Variants in ADAMTS7 observed in about 807,000 individuals in gnomAD.
ADAMTS7 encodes ADAM metallopeptidase with thrombospondin type 1 motif 7, also known as A disintegrin and metalloproteinase with thrombospondin motifs 7.
Under a neutral mutation model 172.6 loss-of-function variants are expected in ADAMTS7, and 89 were observed. That is an observed-to-expected ratio of 0.52 (90% confidence interval 0.43 to 0.61). The LOEUF is 0.61. ADAMTS7 is among the 20% of genes least tolerant of loss of function. ADAMTS7 has a pLI of 0.00. For synonymous variants in ADAMTS7, 885 were observed against 978.4 expected (o/e 0.90, Z 1.78); for missense variants, 1,973 against 2,355.6 (o/e 0.84, Z 3.36).
chr15:78,782,895 G>C (rs1596189668), intron 8 of ADAMTS7, among the ~76,000 whole-genome samples: 1 of 152,038 alleles, frequency 6.6e-6, no homozygotes, highest in South Asian at 2.1e-4. Context: ...GAGGGCCGGG[G>C]ATCACTCCCT....
rs1209186878 is a variant in ADAMTS7 at position 78,763,990 on chromosome 15, G to A, written c.4529C>T (p.Pro1510Leu). 21 of 1,544,724 alleles carry A rather than the reference G, an allele frequency of 1.4e-5. No individual in the cohort carries two copies. Among genetic ancestry groups the A allele is most frequent in the Non-Finnish European group, 1.6e-5 (18 of 1,144,364 alleles). Residue 1510 changes from proline (P) to leucine (L), a missense_variant, in exon 21 of 24, where the codon CCG becomes CTG. By Grantham distance (98) the Pro-to-Leu change is moderately conservative. Transcript: ENST00000388820. The part of the protein sequence containing the change: ...PFHCQPGPAK[P>L]PAHRPCGAQP... ...GGCCCCGCAGGGCCGGTGCGCAGGCGGCTTGGCAGGCCCGGGCTGACAATG... is the reference window on the plus strand; with the variant it reads ...GGCCCCGCAGGGCCGGTGCGCAGGCAGCTTGGCAGGCCCGGGCTGACAATG...
Position 78,798,061 on chromosome 15 carries a change from C to T in ADAMTS7, c.509G>A (p.Ser170Asn). ...NEDYFIEPLD[S>N]APARPGHAQP... ...GGCGTGGCCAGGCCGGGCCGGGGCA[C>T]TGTCCAGGGGCTCAATGAAGTAGTC... Residue 170 changes from serine to asparagine, a missense_variant, in exon 3 of 24, where the codon AGT becomes AAT. Physicochemically the swap from Ser to Asn is conservative, Grantham distance 46. This residue lies in a region of ADAMTS7 where 306 missense variants were observed against 288.0 expected (regional missense o/e 1.06). Transcript: ENST00000388820. 1 of 1,570,990 alleles carries T rather than the reference C, an allele frequency of 6.4e-7. No individual in the cohort carries two copies. Among genetic ancestry groups the T allele is most frequent in the South Asian group, 1.2e-5 (1 of 84,752 alleles).
chr15:78,764,032 C>A lies in ADAMTS7; in HGVS notation c.4487G>T (p.Arg1496Leu). Residue 1496 changes from arginine (R) to leucine (L), a missense_variant, in exon 21 of 24, where the codon CGG becomes CTG. Arg to Leu is a moderately radical substitution (Grantham distance 102). This residue lies in a region of ADAMTS7 where 218 missense variants were observed against 216.9 expected (regional missense o/e 1.01). Transcript: ENST00000388820. The part of the protein sequence containing the change: ...DVQCVDTRDL[R>L]PLRPFHCQPG... The stretch of plus-strand genomic sequence containing the variant: ...CTGACAATGGAAGGGCCGCAGTGGC[C>A]GGAGGTCCCGTGTGTCCACACACTG... The A allele has an allele frequency of 6.5e-7, 1 of 1,540,472 alleles. No individual in the cohort carries two copies. Among genetic ancestry groups the A allele is most frequent in the Non-Finnish European group, 8.8e-7 (1 of 1,142,104 alleles).
intron 9 of ADAMTS7, chr15:78,777,088 C>G (rs1224948745): frequency 1.2e-5 from 7 of 568,332 alleles, no homozygotes; most frequent in African/African-American, 7.5e-5. Context: ...CCGGCCCAGC[C>G]CCTCCTCTGG....
chr15:78,773,165 C>T lies in ADAMTS7; in HGVS notation c.2049G>A (p.Met683Ile). The change falls in exon 14 of 24, where the codon ATG becomes ATA. Residue 683 changes from methionine (M) to isoleucine (I), a missense_variant. Coordinates refer to ENST00000388820, the MANE Select transcript of ADAMTS7 (RefSeq NM_014272.5). ...CGTGGCACACACCACAGCGGTCCTC[C>T]ATAGCACCGGAGTCAATCTCGAAGT... ...GCDFEIDSGAMEDRCGVCHGN... is the reference protein window; with the variant it reads ...GCDFEIDSGAIEDRCGVCHGN... 1.3e-6 allele frequency: 2 copies of T among 1,498,106 alleles called. No individual in the cohort carries two copies. The highest frequency in any genetic ancestry group is 9.2e-7 in the Non-Finnish European group (1 of 1,092,622). The allele number at this position is 1,498,106 out of a possible 1,614,324, so 92.8% of individuals were successfully genotyped here. A position where few individuals can be genotyped will look rare whatever the true frequency, so the allele number is the denominator to read the frequency against.
intron 1 of ADAMTS7, among the ~76,000 whole-genome samples, chr15:78,804,872 C>T (rs993334155): frequency 2.0e-5 from 3 of 152,194 alleles, no homozygotes; most frequent in Admixed American, 6.6e-5. Context: ...CTCACTAAAT[C>T]AGCATTTCCA....
intron 1 of ADAMTS7, among the ~76,000 whole-genome samples, chr15:78,803,148 G>C (rs553798641): frequency 5.9e-5 from 9 of 151,682 alleles, no homozygotes; most frequent in African/African-American, 2.2e-4. Context: ...GATCACTTGA[G>C]CCTAGGAGTT....
At chr15:78,781,657 C>T (rs2055430822) in intron 8 of ADAMTS7, among the ~76,000 whole-genome samples, 1 of 152,300 alleles carries the variant, frequency 6.6e-6, no homozygotes, top group Non-Finnish European at 1.5e-5. Flanking sequence ...GGCTGTTGGG[C>T]AGCACCCTGG....
Position 78,776,771 on chromosome 15 carries a change from C to A in ADAMTS7, c.1538G>T (p.Gly513Val). 1.3e-6 allele frequency: 2 copies of A among 1,551,428 alleles called. No homozygotes were observed. The highest frequency in any genetic ancestry group is 1.7e-6 in the Non-Finnish European group (2 of 1,146,464). Reference protein sequence around the residue: ...CHSKLDAAVDGTRCGENKWCL... With the variant: ...CHSKLDAAVDVTRCGENKWCL... Reference sequence around the variant, plus strand: ...TACCTTATTCTCCCCACACCGGGTGCCGTCCACAGCTGCATCCAGCTTGGA... The same window carrying A: ...TACCTTATTCTCCCCACACCGGGTGACGTCCACAGCTGCATCCAGCTTGGA... Residue 513 changes from glycine (G) to valine (V), a missense_variant, in exon 10 of 24, where the codon GGC (glycine) becomes GTC (valine). Physicochemically the swap from Gly to Val is moderately radical, Grantham distance 109. Transcript: ENST00000388820.
intron 4 of ADAMTS7, among the ~76,000 whole-genome samples, chr15:78,793,216 C>A (rs796491837): frequency 7.9e-5 from 12 of 152,274 alleles, no homozygotes; most frequent in African/African-American, 2.9e-4. Context: ...GGCTCAGAAC[C>A]CAGGTTTCGC....
At chr15:78,772,897 C>T (rs2055274480) in intron 14 of ADAMTS7, among the ~76,000 whole-genome samples, 186 bp downstream of exon 14, 1 of 152,244 alleles carries the variant, frequency 6.6e-6, no homozygotes, top group Non-Finnish European at 1.5e-5. Flanking sequence ...CCCATGGGGA[C>T]AGGTCTCTGC....
intron 1 of ADAMTS7, among the ~76,000 whole-genome samples, chr15:78,802,763 G>A (rs1567243042): frequency 6.6e-6 from 1 of 152,156 alleles, no homozygotes; most frequent in Non-Finnish European, 1.5e-5. Flanking sequence ...TTGGGAGGCC[G>A]AGGCAGGCAA....
chr15:78,800,520 A>C lies in ADAMTS7; in HGVS notation c.128T>G (p.Leu43Arg). The C allele has an allele frequency of 6.2e-7, 1 of 1,603,998 alleles. No homozygotes were observed. Among genetic ancestry groups the C allele is most frequent in the South Asian group, 1.1e-5 (1 of 89,420 alleles). Residue 43 changes from leucine (L) to arginine (R), a missense_variant, in exon 2 of 24, where the codon CTG becomes CGG. Physicochemically the swap from Leu to Arg is moderately radical, Grantham distance 102 (BLOSUM62 -2). Transcript: ENST00000388820. ...PGRATEGRAA[L>R]DIVHPVRVDA... Reference sequence around the variant, plus strand: ...GACTCGAACCGGGTGCACGATGTCCAGTGCCGCCCGGCCCTCGGTTGCACG... The same window carrying C: ...GACTCGAACCGGGTGCACGATGTCCCGTGCCGCCCGGCCCTCGGTTGCACG...
At chr15:78,795,082 A>C (rs1369507679) in intron 4 of ADAMTS7, among the ~76,000 whole-genome samples, 1 of 152,236 alleles carries the variant, frequency 6.6e-6, no homozygotes, top group Non-Finnish European at 1.5e-5. Flanking sequence ...GGGTGAAATG[A>C]ACCCAGTTAA....
At position 78,764,720 on chromosome 15, in the gene ADAMTS7, G is replaced by A; in HGVS notation, c.4267-13C>T. The A allele has an allele frequency of 6.7e-7, 1 of 1,489,778 alleles. No individual in the cohort carries two copies. Among genetic ancestry groups the A allele is most frequent in the Non-Finnish European group, 8.9e-7 (1 of 1,127,016 alleles). The allele number at this position is 1,489,778 out of a possible 1,614,324, so 92.3% of individuals were successfully genotyped here. A position where few individuals can be genotyped will look rare whatever the true frequency, so the allele number is the denominator to read the frequency against. On this transcript the variant is annotated splice_polypyrimidine_tract_variant and intron_variant, in intron 19 of 23. Transcript: ENST00000388820. ...AGGTGGTAGAGCACTGCGGGGCAGAGACCCGTGAAAGCCAGGCAGATCCCA... is the reference window on the plus strand; with the variant it reads ...AGGTGGTAGAGCACTGCGGGGCAGAAACCCGTGAAAGCCAGGCAGATCCCA...
chr15:78,796,484 C>G, intron 4 of ADAMTS7, 106 bp downstream of exon 4: 1 of 1,333,720 alleles, frequency 7.5e-7, no homozygotes, highest in Non-Finnish European at 1.0e-6. Context: ...GGGCCTAGAC[C>G]TGGGTCTGGG....
chr15:78,786,051 T>C (rs2055497636), intron 8 of ADAMTS7, among the ~76,000 whole-genome samples: 1 of 126,440 alleles, frequency 7.9e-6, no homozygotes, highest in African/African-American at 2.6e-5. Flanking sequence ...TGCCTCAGCT[T>C]CCCAAGTAGC....
chr15:78,782,038 C>T (rs4886589), intron 8 of ADAMTS7, among the ~76,000 whole-genome samples: 50,655 of 150,138 alleles, frequency 0.34, 9,026 homozygotes, highest in Middle Eastern at 0.44. Context: ...AGTCTAGGTT[C>T]TTTTTTTTTT....
intron 8 of ADAMTS7, among the ~76,000 whole-genome samples, chr15:78,781,243 C>G (rs1236001453): frequency 2.0e-5 from 3 of 152,114 alleles, no homozygotes; most frequent in Non-Finnish European, 4.4e-5. Flanking sequence ...TGGGTGGGGC[C>G]CATCCTGTCT....
Sources: allele counts gnomAD v4.1 joint callset (sites outside exome capture counted in the v4.1 genomes callset), GRCh38; gene constraint gnomAD v4.1.1; regional missense constraint gnomAD v4.1.1; transcripts MANE v1.5; gene names NCBI Gene and HGNC (gene_info 2026-07-23, HGNC 2026-07-21).